MAST3: variants seen among roughly 807,000 people sequenced by gnomAD.
MAST3 encodes microtubule associated serine/threonine kinase 3, also known as microtubule-associated serine/threonine-protein kinase 3.
Under a neutral mutation model 127.0 loss-of-function variants are expected in MAST3, and 43 were observed. That is an observed-to-expected ratio of 0.34 (90% CI 0.27 to 0.44). MAST3 has a LOEUF of 0.44. Among genes scored for constraint, MAST3 ranks in the 20% least tolerant of loss-of-function variants. The pLI is 1.00. For missense variants in MAST3, 1,390 were observed against 1,919.1 expected, an observed-to-expected ratio of 0.72 and a Z score of 5.15; for synonymous variants, 785 against 809.2, an observed-to-expected ratio of 0.97 and a Z score of 0.51.
intron 19 of MAST3, among the ~76,000 whole-genome samples, chr19:18,138,386 G>A (rs931762262): frequency 5.3e-5 from 8 of 151,376 alleles, no homozygotes; most frequent in Non-Finnish European, 7.4e-5. Context: ...GCGCGATCTC[G>A]GCTTACTGGA....
At chr19:18,143,342 A>G (rs1004018382) in intron 21 of MAST3, among the ~76,000 whole-genome samples, 1 of 152,064 alleles carries the variant, frequency 6.6e-6, no homozygotes, top group Non-Finnish European at 1.5e-5. Context: ...TTGGGACCCC[A>G]AGGCAGGCAG....
chr19:18,139,470 G>A (rs752310215), intron 20 of MAST3, among the ~76,000 whole-genome samples: 11 of 151,990 alleles, frequency 7.2e-5, no homozygotes, highest in Admixed American at 1.3e-4. Context: ...GATTACAGGC[G>A]CATGCCGTCA....
intron 14 of MAST3, among the ~76,000 whole-genome samples, chr19:18,131,251 C>T (rs954408875): frequency 6.6e-6 from 1 of 151,954 alleles, no homozygotes; most frequent in African/African-American, 2.4e-5. Context: ...CCCCCATTCA[C>T]GCCTATAGTC....
At chr19:18,114,822 C>T (rs1230105437) in intron 3 of MAST3, among the ~76,000 whole-genome samples, 2 of 152,098 alleles carry the variant, frequency 1.3e-5, no homozygotes, top group South Asian at 2.1e-4. Context: ...AGCCTCAAAT[C>T]CCAAGGGCAG....
intron 3 of MAST3, among the ~76,000 whole-genome samples, chr19:18,116,651 T>C (rs945642666): frequency 2.2e-5 from 3 of 136,738 alleles, no homozygotes; most frequent in Non-Finnish European, 4.8e-5. Context: ...GGCTCACGCC[T>C]GTAATCCCGG....
At chr19:18,126,988 G>C (rs1425525063) in intron 11 of MAST3, among the ~76,000 whole-genome samples, 2 of 151,026 alleles carry the variant, frequency 1.3e-5, no homozygotes, top group African/African-American at 4.8e-5. Flanking sequence ...CACTGTGTTA[G>C]CCAGGATGGT....
chr19:18,128,481 C>T (rs1174442231), intron 12 of MAST3, 23 bp downstream of exon 12: 22 of 1,550,318 alleles, frequency 1.4e-5, no homozygotes, highest in Admixed American at 2.0e-5. Context: ...GGCTGGGGGA[C>T]CCCCGCTCAT....
rs540770269 is a variant in MAST3 at position 18,137,304 on chromosome 19, C to T, written c.2038C>T (p.His680Tyr). The part of the protein sequence containing the change: ...LALDWAGLLR[H>Y]KAEFVPQLEA... ...CCTGGACTGGGCAGGGCTTCTCCGA[C>T]ACAAAGCCGAGTTCGTGCCCCAGCT... Residue 680 changes from histidine (H) to tyrosine (Y), a missense_variant, in exon 19 of 28, where the codon CAC (histidine) becomes TAC (tyrosine). Around this residue, in one of 5 missense-constraint regions of MAST3, gnomAD observed 191 missense variants for 409.0 expected, o/e 0.47. Coordinates refer to ENST00000687212, the MANE Select transcript of MAST3 (RefSeq NM_001393504.1). 6.2e-7 allele frequency: 1 copy of T among 1,613,898 alleles called. No homozygotes were observed. Among genetic ancestry groups the T allele is most frequent in the Non-Finnish European group, 8.5e-7 (1 of 1,179,820 alleles).
chr19:18,118,003 A>G (rs1447056008), intron 3 of MAST3: 1 of 561,042 alleles, frequency 1.8e-6, no homozygotes, highest in East Asian at 1.5e-4. Context: ...GCGGAGTTCC[A>G]GTCGCGCTCG....
At position 18,143,884 on chromosome 19, in the gene MAST3, T is replaced by G; in HGVS notation, c.2461T>G (p.Ser821Ala). ...SLDTMPKFAF[S>A]SEDEGVGPGP... The stretch of plus-strand genomic sequence containing the variant: ...GGACACAATGCCCAAGTTTGCCTTC[T>G]CATCAGAGGATGAGGGGGTAGGCCC... Residue 821 changes from serine (S) to alanine (A), a missense_variant, in exon 22 of 28, where the codon TCA becomes GCA. Coordinates refer to ENST00000687212, the MANE Select transcript of MAST3 (RefSeq NM_001393504.1). The G allele has an allele frequency of 6.2e-7, 1 of 1,613,884 alleles. No homozygotes were observed. Among genetic ancestry groups the G allele is most frequent in the Non-Finnish European group, 8.5e-7 (1 of 1,179,870 alleles).
chr19:18,127,690 T>C (rs958814734), intron 11 of MAST3, among the ~76,000 whole-genome samples: 4 of 147,802 alleles, frequency 2.7e-5, no homozygotes, highest in African/African-American at 7.6e-5. Flanking sequence ...TCTCAAAAAA[T>C]AAAAATACAA....
chr19:18,109,371 C>T (rs558485121), intron 2 of MAST3, among the ~76,000 whole-genome samples: 7 of 152,136 alleles, frequency 4.6e-5, no homozygotes, highest in Non-Finnish European at 7.4e-5. Context: ...GACATTGCCC[C>T]GAGAGCCGGC....
chr19:18,106,411 G>A (rs764174480), intron 1 of MAST3, among the ~76,000 whole-genome samples: 8 of 151,804 alleles, frequency 5.3e-5, no homozygotes, highest in Non-Finnish European at 7.4e-5. Context: ...GCTAATTTTT[G>A]TATTTTTAGT....
intron 20 of MAST3, among the ~76,000 whole-genome samples, chr19:18,141,230 G>T (rs2042438656): frequency 6.6e-6 from 1 of 152,148 alleles, no homozygotes; most frequent in Non-Finnish European, 1.5e-5. Flanking sequence ...AACGCAGCTT[G>T]GTAGCCTGGC....
At chr19:18,108,520 C>T (rs1478939163) in intron 2 of MAST3, among the ~76,000 whole-genome samples, 5 of 151,982 alleles carry the variant, frequency 3.3e-5, no homozygotes, top group Non-Finnish European at 7.4e-5. Context: ...ACTACACATG[C>T]GAGCCTCCAC....
intron 3 of MAST3, among the ~76,000 whole-genome samples, chr19:18,119,129 C>T (rs375659534): frequency 1.4e-3 from 215 of 152,150 alleles, no homozygotes; most frequent in Non-Finnish European, 2.6e-3. Flanking sequence ...AAGAGTTGAA[C>T]AAACAGTCGG....
chr19:18,098,472 C>A (rs2146708271), intron 1 of MAST3, among the ~76,000 whole-genome samples: 1 of 152,156 alleles, frequency 6.6e-6, no homozygotes, highest in African/African-American at 2.4e-5. Context: ...CTCAGTTTTC[C>A]AATGAGCCAT....
intron 18 of MAST3, among the ~76,000 whole-genome samples, chr19:18,136,809 TTTGTTGTTG>T (rs35705741): frequency 1.3e-5 from 2 of 151,192 alleles, no homozygotes; most frequent in Non-Finnish European, 2.9e-5. Flanking sequence ...TTTCTGGTTC[TTTGTTGTTG>T]TTGTTGTTGT....
Position 18,145,097 on chromosome 19 carries a change from G to A in MAST3, c.2907G>A (p.Pro969=), listed in dbSNP as rs756675986. 7.6e-5 allele frequency: 123 copies of A among 1,613,392 alleles called. No homozygotes were observed. The highest frequency in any genetic ancestry group is 3.8e-4 in the East Asian group (17 of 44,858). Residue 969 remains proline (P), a synonymous_variant, in exon 24 of 28, where the codon CCG becomes CCA. Coordinates refer to ENST00000687212, the MANE Select transcript of MAST3 (RefSeq NM_001393504.1). The surrounding 1 kb of genome is among the most constrained non-coding windows in gnomAD (Gnocchi z 5.9). ...SSRDSSPSRD[P]SPVCGSLRPP... is the part of the protein sequence containing the mutation. ...GTGACTCTTCGCCGAGCCGAGACCCGTCCCCCGTGTGTGGCAGCCTGCGGC... is the reference window on the plus strand; with the variant it reads ...GTGACTCTTCGCCGAGCCGAGACCCATCCCCCGTGTGTGGCAGCCTGCGGC...
Sources: allele counts gnomAD v4.1 joint callset (sites outside exome capture counted in the v4.1 genomes callset), GRCh38; gene constraint gnomAD v4.1.1; regional missense constraint gnomAD v4.1.1; non-coding constraint Gnocchi (gnomAD v3.1); transcripts MANE v1.5; gene names NCBI Gene and HGNC (gene_info 2026-07-23, HGNC 2026-07-21).